Variants in SLC49A4 observed in about 807,000 individuals in gnomAD.
SLC49A4 encodes the protein disrupted in renal cancer protein 2.
In SLC49A4, 36 loss-of-function variants were observed where a neutral mutation model predicts 50.6. That is an observed-to-expected ratio of 0.71 (90% CI 0.55 to 0.94). SLC49A4 has a LOEUF of 0.94. SLC49A4 is among the 40% of genes least tolerant of loss of function. The pLI, the probability that SLC49A4 is intolerant of heterozygous loss-of-function variation, is 0.00. For synonymous variants in SLC49A4, 248 were observed against 241.2 expected (o/e 1.03, Z -0.26); for missense variants, 503 against 605.7 (o/e 0.83, Z 1.78).
At chr3:122,846,055 C>A (rs895851728) in intron 5 of SLC49A4, among the ~76,000 whole-genome samples, 184 bp downstream of exon 5, 2 of 152,108 alleles carry the variant, frequency 1.3e-5, no homozygotes, top group Non-Finnish European at 2.9e-5. Flanking sequence ...TTGATTTTGA[C>A]AATAGTTGTG....
rs188411952 is a variant in SLC49A4 at position 122,864,548 on chromosome 3, T to A, written c.1138+4346T>A. On this transcript the variant is annotated intron_variant, in intron 7 of 8. Coordinates refer to ENST00000261038, the MANE Select transcript of SLC49A4 (RefSeq NM_032839.3). The stretch of plus-strand genomic sequence containing the variant: ...AGAAGTTGCCTTGGGAGAGATTATT[T>A]ATCTAATTTCATCTAAACTTACTAG... Among the ~76,000 whole-genome samples the A allele has an allele frequency of 2.0e-5, 3 of 152,290 alleles. No homozygotes were observed. The East Asian group carries it at 5.8e-4, about 29-fold the overall frequency.
chr3:122,859,595 C>T (rs575780320), intron 6 of SLC49A4, among the ~76,000 whole-genome samples: 1 of 152,136 alleles, frequency 6.6e-6, no homozygotes, highest in Non-Finnish European at 1.5e-5. Context: ...GCCTGTAATA[C>T]CAGCACTTGG....
At chr3:122,870,587 T>G (rs1198278804) in intron 7 of SLC49A4, among the ~76,000 whole-genome samples, 1 of 149,530 alleles carries the variant, frequency 6.7e-6, no homozygotes, top group South Asian at 2.2e-4. Flanking sequence ...GGCAGGTGGA[T>G]CACTTGAGGT....
At chr3:122,836,961 A>G (rs1377110707) in intron 4 of SLC49A4, among the ~76,000 whole-genome samples, 2 of 152,322 alleles carry the variant, frequency 1.3e-5, no homozygotes, top group African/African-American at 2.4e-5. Context: ...CCCATTCACA[A>G]TTGCTTCAAA....
At chr3:122,842,350 G>A (rs1025456693) in intron 4 of SLC49A4, among the ~76,000 whole-genome samples, 2 of 152,028 alleles carry the variant, frequency 1.3e-5, no homozygotes, top group African/African-American at 4.8e-5. Context: ...ACCGGGCTTG[G>A]TAGCGGGTGC....
At chr3:122,802,832 G>A (rs1049278979) in intron 1 of SLC49A4, among the ~76,000 whole-genome samples, 9 of 152,160 alleles carry the variant, frequency 5.9e-5, no homozygotes, top group African/African-American at 1.9e-4. Context: ...TGTGACTTGA[G>A]TATATAGCAC....
At chr3:122,850,071 C>T (rs1331818721) in intron 5 of SLC49A4, among the ~76,000 whole-genome samples, 1 of 152,064 alleles carries the variant, frequency 6.6e-6, no homozygotes, top group African/African-American at 2.4e-5. Flanking sequence ...ATCTGACTGA[C>T]TTTCAATATG....
intron 2 of SLC49A4, among the ~76,000 whole-genome samples, chr3:122,812,865 A>G (rs1936317630): frequency 6.6e-6 from 1 of 152,190 alleles, no homozygotes; most frequent in African/African-American, 2.4e-5. Flanking sequence ...AAAACTCATG[A>G]CTATGTCTGC....
In SLC49A4 at chr3:122,880,337, T is replaced by A. The variant is rs1937321406; in HGVS notation, c.*959T>A. On this transcript the variant is annotated 3_prime_UTR_variant, in exon 9 of 9. Transcript: ENST00000261038. ...TCTGTCGAATGATTTCTGAATTACA[T>A]CCTGTGTTTCAGCTTAGGTTGTAAA... 1 of 152,278 alleles carries A rather than the reference T, an allele frequency of 6.6e-6. No individual in the cohort carries two copies. Among genetic ancestry groups the A allele is most frequent in the South Asian group, 2.1e-4 (1 of 4,822 alleles). The allele number at this position is 152,278 out of a possible 1,614,324, so 9.4% of individuals were successfully genotyped here.
chr3:122,813,119 G>A (rs888808159), intron 2 of SLC49A4, among the ~76,000 whole-genome samples: 3 of 151,778 alleles, frequency 2.0e-5, no homozygotes, highest in Admixed American at 2.0e-4. Context: ...GCGTGGAGGC[G>A]CTTGCCTGTA....
chr3:122,826,790 T>C lies in SLC49A4; in HGVS notation c.438-10T>C, dbSNP rs200484674. On this transcript the variant is annotated splice_polypyrimidine_tract_variant and intron_variant, in intron 2 of 8. Coordinates refer to ENST00000261038, the MANE Select transcript of SLC49A4 (RefSeq NM_032839.3). The stretch of plus-strand genomic sequence containing the variant: ...AAATACCTCACAGCCTTTTAATTTT[T>C]AAATTCCAGATTAATTCATGGAGGA... The C allele has an allele frequency of 1.2e-3, 1,953 of 1,608,522 alleles. 5 individuals carry two copies. The highest frequency in any genetic ancestry group is 1.3e-3 in the Non-Finnish European group (1,477 of 1,175,432).
chr3:122,826,186 C>T (rs968461676), intron 2 of SLC49A4, among the ~76,000 whole-genome samples: 1 of 152,200 alleles, frequency 6.6e-6, no homozygotes, highest in African/African-American at 2.4e-5. Flanking sequence ...AACCCAGGTC[C>T]TCCGGTTCCT....
At chr3:122,838,054 A>G (rs1021207476) in intron 4 of SLC49A4, among the ~76,000 whole-genome samples, 56 of 151,642 alleles carry the variant, frequency 3.7e-4, no homozygotes, top group Non-Finnish European at 4.4e-4. Context: ...AAAGTCAGGA[A>G]ACAACAGGTG....
rs542592443 is a variant in SLC49A4, at chr3:122,839,543, G to GA, written c.833+6107dup. ...CAAAGGAACTCAAACAGATCAGCAA[G>GA]AAAAAAAAAATCTCATCAAAAAGTG... On this transcript the variant is annotated intron_variant, in intron 4 of 8. Coordinates refer to ENST00000261038, the MANE Select transcript of SLC49A4 (RefSeq NM_032839.3). 7.1e-4 allele frequency among the ~76,000 whole-genome samples: 106 copies of GA among 148,524 alleles called. 1 individual carries two copies. Among genetic ancestry groups the GA allele is most frequent in the South Asian group, 3.0e-3 (14 of 4,708 alleles).
At chr3:122,846,139 T>G (rs1345428873) in intron 5 of SLC49A4, among the ~76,000 whole-genome samples, 1 of 152,226 alleles carries the variant, frequency 6.6e-6, no homozygotes, top group Non-Finnish European at 1.5e-5. Flanking sequence ...TTAGTTTTGT[T>G]GACCCCATTC....
intron 7 of SLC49A4, among the ~76,000 whole-genome samples, chr3:122,868,593 G>A (rs1326771154): frequency 6.6e-6 from 1 of 152,158 alleles, no homozygotes; most frequent in East Asian, 1.9e-4. Context: ...GGAATAATCA[G>A]CCTCTGCTTT....
At chr3:122,803,794 TG>T (rs1217801118) in intron 1 of SLC49A4, among the ~76,000 whole-genome samples, 12 of 152,208 alleles carry the variant, frequency 7.9e-5, no homozygotes, top group Admixed American at 6.5e-4. Context: ...CTACACTCAA[TG>T]GGTCCCCAGC....
In SLC49A4 at chr3:122,806,873, G is replaced by A. The variant is rs1357653234; in HGVS notation, c.360G>A (p.Val120=). 6.2e-7 allele frequency: 1 copy of A among 1,606,764 alleles called. No homozygotes were observed. Among genetic ancestry groups the A allele is most frequent in the East Asian group, 2.2e-5 (1 of 44,738 alleles). The stretch of plus-strand genomic sequence containing the variant: ...TCATTTTAGGTCTCCGGATAACTGT[G>A]CTCCTGACATCCTTCCTTATGGTTT... ...LLDKRGLRIT[V]LLTSFLMVLG... is the part of the protein sequence containing the mutation. Residue 120 remains valine, a synonymous_variant, in exon 2 of 9, where the codon GTG becomes GTA. Transcript: ENST00000261038.
At position 122,880,318 on chromosome 3, in the gene SLC49A4, G is replaced by T. The variant is rs377634780; in HGVS notation, c.*940G>T. On this transcript the variant is annotated 3_prime_UTR_variant, in exon 9 of 9. Transcript: ENST00000261038. ...TCACATTGAAACTTTCAGCTCTGTC[G>T]AATGATTTCTGAATTACATCCTGTG... 4.6e-5 allele frequency: 7 copies of T among 152,184 alleles called. No homozygotes were observed. Among genetic ancestry groups the T allele is most frequent in the African/African-American group, 1.2e-4 (5 of 41,516 alleles). The allele number at this position is 152,184 out of a possible 1,614,324, so 9.4% of individuals were successfully genotyped here.
Sources: gnomAD v4.1 joint callset for allele counts (sites outside exome capture counted in the v4.1 genomes callset) on GRCh38, gnomAD v4.1.1 for gene constraint, MANE v1.5 for transcripts, NCBI Gene and HGNC (gene_info 2026-07-23, HGNC 2026-07-21) for gene names.